Variants in CACNA1H observed in about 807,000 individuals in gnomAD.
The protein encoded by CACNA1H is calcium voltage-gated channel subunit alpha1 H, also known as voltage-dependent T-type calcium channel subunit alpha-1H.
A neutral mutation model predicts 192.5 loss-of-function variants in CACNA1H; 149 were observed. The observed-to-expected ratio is 0.77, with a 90% CI of 0.68 to 0.89. The LOEUF is 0.89. CACNA1H is among the 40% of genes least tolerant of loss of function. The probability of loss-of-function intolerance (pLI) is 0.00; values close to 1 mark genes in which losing one functional copy is unlikely to be tolerated. For synonymous variants in CACNA1H, 2,202 were observed against 1,475.2 expected (o/e 1.49, Z -11.29); for missense variants, 4,257 against 3,423.5 (o/e 1.24, Z -6.08).
intron 26 of CACNA1H, among the ~76,000 whole-genome samples, chr16:1,213,475 G>C (rs901264061): frequency 1.3e-5 from 2 of 152,076 alleles, no homozygotes; most frequent in Non-Finnish European, 2.9e-5. Flanking sequence ...GCGCAACCGC[G>C]TTGCTGAGGA....
rs964009965 is a variant in CACNA1H at position 1,202,018 on chromosome 16, A to G, written c.1568A>G (p.His523Arg). 3.3e-6 allele frequency: 5 copies of G among 1,531,538 alleles called. No homozygotes were observed. The highest frequency in any genetic ancestry group is 4.4e-6 in the Non-Finnish European group (5 of 1,140,384). The allele number at this position is 1,531,538 out of a possible 1,614,324, so 94.9% of individuals were successfully genotyped here. Residue 523 changes from histidine to arginine, a missense_variant, in exon 9 of 35, where the codon CAC becomes CGC. Transcript: ENST00000348261. ...CACCACCTGGTCTACCACCACCATC[A>G]CCACCACCACCACCACTACCATTTC... is the stretch of plus-strand genomic sequence containing the variant. ...SVHHLVYHHH[H>R]HHHHHYHFSH...
intron 2 of CACNA1H, among the ~76,000 whole-genome samples, chr16:1,158,746 G>T (rs886531955): frequency 6.6e-6 from 1 of 152,118 alleles, no homozygotes; most frequent in South Asian, 2.1e-4. Flanking sequence ...GTGCTCTTGG[G>T]AACGAGTTTG....
Position 1,213,891 on chromosome 16 carries a change from A to T in CACNA1H, c.4889A>T (p.Asn1630Ile), listed in dbSNP as rs752605118. The T allele has an allele frequency of 6.2e-7, 1 of 1,612,024 alleles. No individual in the cohort carries two copies. The highest frequency in any genetic ancestry group is 8.5e-7 in the Non-Finnish European group (1 of 1,179,440). ...TTCATCACCTTCATCATCTGTGTCA[A>T]CGTCATCACCATGTCCATGGAGCAC... The part of the protein sequence containing the change: ...DLFITFIICV[N>I]VITMSMEHYN... Residue 1630 changes from asparagine to isoleucine, a missense_variant, in exon 27 of 35, where the codon AAC becomes ATC. Asn to Ile is a moderately radical substitution (Grantham distance 149, BLOSUM62 -3). Transcript: ENST00000348261.
intron 24 of CACNA1H, 41 bp downstream of exon 24, chr16:1,211,846 C>G (rs1969486357): frequency 6.2e-7 from 1 of 1,610,350 alleles, no homozygotes; most frequent in Non-Finnish European, 8.5e-7. Flanking sequence ...TCAGGGTCTC[C>G]CGCGAGCGGC....
intron 2 of CACNA1H, among the ~76,000 whole-genome samples, chr16:1,176,063 A>G (rs1964855148): frequency 6.6e-6 from 1 of 152,178 alleles, no homozygotes; most frequent in East Asian, 1.9e-4. Context: ...GTCACAGGAC[A>G]CACCGTGTCT....
rs368193392 is a variant in CACNA1H, at chr16:1,207,995, C to T, written c.3155-18C>T. Reference sequence around the variant, plus strand: ...AGCCTGGCAGCTCTAGGGGCCCATTCCTCCCTCTGTCCCGCAGAGCTGAAG... The same window carrying T: ...AGCCTGGCAGCTCTAGGGGCCCATTTCTCCCTCTGTCCCGCAGAGCTGAAG... On this transcript the variant is annotated intron_variant, in intron 15 of 34. Transcript: ENST00000348261. The T allele has an allele frequency of 1.2e-5, 19 of 1,588,720 alleles. No individual in the cohort carries two copies. Among genetic ancestry groups the T allele is most frequent in the Non-Finnish European group, 1.5e-5 (17 of 1,167,970 alleles).
chr16:1,218,009 C>G lies in CACNA1H; in HGVS notation c.5414C>G (p.Ser1805Cys), dbSNP rs748742976. Reference sequence around the variant, plus strand: ...GCCTTCCTCACGCTGTTCCGCGTGTCCACGGGGGACAACTGGAACGGGATC... The same window carrying G: ...GCCTTCCTCACGCTGTTCCGCGTGTGCACGGGGGACAACTGGAACGGGATC... ...GMAFLTLFRVSTGDNWNGIMK... is the reference protein window; with the variant it reads ...GMAFLTLFRVCTGDNWNGIMK... The change falls in exon 32 of 35, where the codon TCC (serine) becomes TGC (cysteine). Residue 1805 changes from serine (S) to cysteine (C), a missense_variant. Ser to Cys is a moderately radical substitution (Grantham distance 112). Coordinates refer to ENST00000348261, the MANE Select transcript of CACNA1H (RefSeq NM_021098.3). 1 of 1,601,526 alleles carries G rather than the reference C, an allele frequency of 6.2e-7. No homozygotes were observed. Among genetic ancestry groups the G allele is most frequent in the Non-Finnish European group, 8.5e-7 (1 of 1,174,576 alleles).
intron 31 of CACNA1H, 31 bp from the exon 32 acceptor site, chr16:1,217,888 G>A (rs777766250): frequency 1.1e-5 from 17 of 1,573,388 alleles, no homozygotes; most frequent in African/African-American, 1.4e-5. Context: ...GAGCGGGCTC[G>A]GCTGACCGGG....
intron 16 of CACNA1H, 92 bp downstream of exon 16, chr16:1,208,313 C>T (rs1363543563): frequency 3.6e-6 from 3 of 833,666 alleles, no homozygotes; most frequent in Non-Finnish European, 5.7e-6. Context: ...GTGAGGGCCG[C>T]ACCCCCCACA....
In CACNA1H at chr16:1,220,554, G is replaced by A. The variant is rs60445853; in HGVS notation, c.6622G>A (p.Ala2208Thr). Residue 2208 changes from alanine (A) to threonine (T), a missense_variant, in exon 35 of 35, where the codon GCG becomes ACG. Coordinates refer to ENST00000348261, the MANE Select transcript of CACNA1H (RefSeq NM_021098.3). Reference protein sequence around the residue: ...AEDEGSARPSAAEGGSTTLRR... With the variant: ...AEDEGSARPSTAEGGSTTLRR... ...GGACGAGGGCTCTGCGCGGCCCTCC[G>A]CGGCAGAGGGCGGCAGCACCACACT... 732 of 1,530,300 alleles carry A rather than the reference G, an allele frequency of 4.8e-4. 2 individuals carry two copies. The African/African-American group carries it at 7.1e-3, about 15-fold the overall frequency. The allele number at this position is 1,530,300 out of a possible 1,614,324, so 94.8% of individuals were successfully genotyped here.
At chr16:1,212,867 C>T (rs570363265) in intron 26 of CACNA1H, among the ~76,000 whole-genome samples, 22 of 152,314 alleles carry the variant, frequency 1.4e-4, no homozygotes, top group Middle Eastern at 3.4e-3. Context: ...TCCGGCTGCC[C>T]GGGCTGCGCT....
chr16:1,221,417 T>A lies in CACNA1H; in HGVS notation c.*423T>A, dbSNP rs1001331296. On this transcript the variant is annotated 3_prime_UTR_variant, in exon 35 of 35. Coordinates refer to ENST00000348261, the MANE Select transcript of CACNA1H (RefSeq NM_021098.3). The stretch of plus-strand genomic sequence containing the variant: ...GCAGGTTGCAGCCACCGCGGCCCAA[T>A]GTCACCTTCACTCACAGTCTGAGTT... The A allele has an allele frequency of 1.3e-5, 4 of 297,522 alleles. No homozygotes were observed. The highest frequency in any genetic ancestry group is 2.5e-5 in the Non-Finnish European group (4 of 160,884). The allele number at this position is 297,522 out of a possible 1,614,324, so 18.4% of individuals were successfully genotyped here. A position where few individuals can be genotyped will look rare whatever the true frequency, so the allele number is the denominator to read the frequency against.
chr16:1,176,030 G>A lies in CACNA1H; in HGVS notation c.300-18942G>A, dbSNP rs79257234. Among the ~76,000 whole-genome samples the A allele has an allele frequency of 8.7e-4, 133 of 152,314 alleles. 1 individual carries two copies. The East Asian group carries it at 0.023, about 27-fold the overall frequency. On this transcript the variant is annotated intron_variant, in intron 2 of 34. Coordinates refer to ENST00000348261, the MANE Select transcript of CACNA1H (RefSeq NM_021098.3). Reference sequence around the variant, plus strand: ...CTGGGTCCCAACCCCGTTCGTGGAGGCGCCTCCCACTCCCATCGCCCAGTC... The same window carrying A: ...CTGGGTCCCAACCCCGTTCGTGGAGACGCCTCCCACTCCCATCGCCCAGTC...
At chr16:1,216,293 C>T (rs1171851782) in intron 30 of CACNA1H, among the ~76,000 whole-genome samples, 3 of 152,248 alleles carry the variant, frequency 2.0e-5, no homozygotes, top group East Asian at 1.9e-4. Flanking sequence ...TGCCTAGCTT[C>T]GTCCAAGTAA....
rs540481280 is a variant in CACNA1H, at chr16:1,177,669, G to A, written c.300-17303G>A. Among the ~76,000 whole-genome samples, 11 of 152,166 alleles carry A rather than the reference G, an allele frequency of 7.2e-5. No individual in the cohort carries two copies. The Middle Eastern group carries it at 0.01, about 141-fold the overall frequency. ...CGGGGACAGAGGGAGTGTGTTTCTC[G>A]GTTCTGGAGGCTGGACGTCCCAGGG... On this transcript the variant is annotated intron_variant, in intron 2 of 34. Transcript: ENST00000348261.
chr16:1,179,803 C>G (rs1965286499), intron 2 of CACNA1H, among the ~76,000 whole-genome samples: 1 of 142,594 alleles, frequency 7.0e-6, no homozygotes, highest in South Asian at 2.2e-4. Flanking sequence ...GGCGTGATCT[C>G]CGCTCACTGC....
chr16:1,215,641 G>A, intron 30 of CACNA1H, 48 bp downstream of exon 30: 1 of 1,521,598 alleles, frequency 6.6e-7, no homozygotes, highest in South Asian at 1.2e-5. Context: ...GGAAGACGGG[G>A]TTGCAGGGAG....
intron 8 of CACNA1H, among the ~76,000 whole-genome samples, chr16:1,201,115 C>T (rs1002951565): frequency 3.9e-5 from 6 of 152,132 alleles, no homozygotes; most frequent in Non-Finnish European, 7.4e-5. Flanking sequence ...AGGTGTGCTC[C>T]TTAGCTGGTC....
At chr16:1,205,082 G>A (rs1337851034) in intron 10 of CACNA1H, 32 bp from the exon 11 acceptor site, 1 of 1,586,050 alleles carries the variant, frequency 6.3e-7, no homozygotes, top group Non-Finnish European at 8.6e-7. Context: ...CGCGGGTGCG[G>A]CCTCCTGAAC....
Sources: gnomAD v4.1 joint callset for allele counts (sites outside exome capture counted in the v4.1 genomes callset) on GRCh38, gnomAD v4.1.1 for gene constraint, MANE v1.5 for transcripts, NCBI Gene and HGNC (gene_info 2026-07-23, HGNC 2026-07-21) for gene names.